SLC1A1: variants seen among roughly 807,000 people sequenced by gnomAD.
SLC1A1 encodes solute carrier family 1 member 1, also known as excitatory amino acid transporter 3.
Under a neutral mutation model 53.3 loss-of-function variants are expected in SLC1A1, and 43 were observed. That is an observed-to-expected ratio of 0.81 (90% confidence interval 0.63 to 1.04). The LOEUF is 1.04. Among genes scored for constraint, SLC1A1 ranks in the 50% least tolerant of loss-of-function variants. SLC1A1 has a pLI of 0.00. For missense variants in SLC1A1, 748 were observed against 664.9 expected (o/e 1.12, Z -1.37); for synonymous variants, 307 against 243.2 (o/e 1.26, Z -2.44).
chr9:4,566,107 T>C lies in SLC1A1; in HGVS notation c.483+18T>C. 6.2e-7 allele frequency: 1 copy of C among 1,600,846 alleles called. No homozygotes were observed. Among genetic ancestry groups the C allele is most frequent in the Non-Finnish European group, 8.6e-7 (1 of 1,168,118 alleles). On this transcript the variant is annotated intron_variant, in intron 5 of 11. Transcript: ENST00000262352. The stretch of plus-strand genomic sequence containing the variant: ...TTCAGCAGGTAATATTAATTACTTG[T>C]GCCCTTAACTTGCTACCCTCTTCCC...
rs187490304 is a variant in SLC1A1, at chr9:4,556,316, C to T, written c.233-5133C>T. Among the ~76,000 whole-genome samples the T allele has an allele frequency of 5.7e-4, 87 of 152,216 alleles. No individual in the cohort carries two copies. The highest frequency in any genetic ancestry group is 2.0e-3 in the African/African-American group (82 of 41,546). ...ATTACCGGCGTGAGCCACTACGCCC[C>T]GCCCCTATCTTTTATTATTACATTC... On this transcript the variant is annotated intron_variant, in intron 2 of 11. Coordinates refer to ENST00000262352, the MANE Select transcript of SLC1A1 (RefSeq NM_004170.6). This position sits in a 1 kb window ranked among gnomAD's most constrained non-coding sequence, Gnocchi z 4.1.
At chr9:4,515,584 G>A (rs1295862879) in intron 1 of SLC1A1, among the ~76,000 whole-genome samples, 1 of 143,554 alleles carries the variant, frequency 7.0e-6, no homozygotes, top group Non-Finnish European at 1.5e-5. Context: ...CAAGAAGAGG[G>A]TGGAAGACAA....
chr9:4,576,617 G>A lies in SLC1A1; in HGVS notation c.1047G>A (p.Gln349=), dbSNP rs920366823. ...VTFRCAEENN[Q]VDKRITRFVL... is the part of the protein sequence containing the mutation. ...TCCGCTGTGCTGAAGAAAATAACCA[G>A]GTGGACAAGAGGATCACTCGATTCG... Residue 349 remains glutamine (Q), a synonymous_variant, in exon 10 of 12, where the codon CAG becomes CAA. Coordinates refer to ENST00000262352, the MANE Select transcript of SLC1A1 (RefSeq NM_004170.6). The A allele has an allele frequency of 2.3e-5, 37 of 1,614,054 alleles. No individual in the cohort carries two copies. The highest frequency in any genetic ancestry group is 3.0e-5 in the Non-Finnish European group (35 of 1,180,036).
chr9:4,522,048 TTTTTTC>T (rs1259588120), intron 1 of SLC1A1, among the ~76,000 whole-genome samples: 18,669 of 72,516 alleles, frequency 0.26, 1,810 homozygotes, highest in Admixed American at 0.32. Flanking sequence ...GCCTCTTTTT[TTTTTTC>T]TTTTTTTTTT....
intron 1 of SLC1A1, among the ~76,000 whole-genome samples, chr9:4,499,030 T>TTATATATG (rs892990173): frequency 8.2e-5 from 11 of 134,210 alleles, no homozygotes; most frequent in Non-Finnish European, 1.2e-4. Flanking sequence ...AGATTACATA[T>TTATATATG]TATATATGTA....
intron 1 of SLC1A1, among the ~76,000 whole-genome samples, chr9:4,504,897 T>C (rs1001721449): frequency 1.3e-5 from 2 of 152,206 alleles, no homozygotes; most frequent in African/African-American, 4.8e-5. Flanking sequence ...TCAGTGTCTT[T>C]TTGTAGCAAG....
Position 4,564,990 on chromosome 9 carries a change from C to T in SLC1A1, c.440+532C>T, listed in dbSNP as rs149802850. 2.4e-3 allele frequency among the ~76,000 whole-genome samples: 370 copies of T among 152,304 alleles called. 1 individual carries two copies. Among genetic ancestry groups the T allele is most frequent in the Non-Finnish European group, 3.4e-3 (232 of 68,034 alleles). ...TTTGTTAGCTCATGGTAATTTCTTA[C>T]GGGTTCTGTTGCATATACAGCCCTT... On this transcript the variant is annotated intron_variant, in intron 4 of 11. Coordinates refer to ENST00000262352, the MANE Select transcript of SLC1A1 (RefSeq NM_004170.6).
chr9:4,584,206 C>A (rs1363772592), intron 11 of SLC1A1, among the ~76,000 whole-genome samples: 1 of 152,230 alleles, frequency 6.6e-6, no homozygotes, highest in Non-Finnish European at 1.5e-5. Context: ...CTTGAAAACA[C>A]AGATTCACAT....
intron 1 of SLC1A1, among the ~76,000 whole-genome samples, chr9:4,499,986 G>C (rs1443754490): frequency 6.6e-6 from 1 of 152,210 alleles, no homozygotes; most frequent in Non-Finnish European, 1.5e-5. Flanking sequence ...GAGCATGTAT[G>C]CATGTGAGAG....
Position 4,505,640 on chromosome 9 carries a change from TTTG to T in SLC1A1, c.91+14888_91+14890del, listed in dbSNP as rs372342003. 1.6e-4 allele frequency among the ~76,000 whole-genome samples: 24 copies of T among 152,170 alleles called. No homozygotes were observed. In the East Asian group the frequency reaches 1.9e-3, roughly 12 times the overall value. ...GACATTTTTAATTACTGTGAAATTC[TTTG>T]TTGTTGTTGTTGTTGTTTTTCTTTT... On this transcript the variant is annotated intron_variant, in intron 1 of 11. Coordinates refer to ENST00000262352, the MANE Select transcript of SLC1A1 (RefSeq NM_004170.6).
chr9:4,571,094 A>C (rs1270183919), intron 6 of SLC1A1, among the ~76,000 whole-genome samples: 1 of 152,144 alleles, frequency 6.6e-6, no homozygotes, highest in Non-Finnish European at 1.5e-5. Context: ...ACACGGATGG[A>C]GCTAGAGGCC....
chr9:4,553,707 G>A (rs147969080), intron 2 of SLC1A1: 2 of 152,290 alleles, frequency 1.3e-5, no homozygotes, highest in East Asian at 3.9e-4. Context: ...CTTCAAATGT[G>A]GACCAGCTGA....
chr9:4,573,816 G>T (rs1477009967), intron 7 of SLC1A1, 91 bp from the exon 8 acceptor site: 7 of 856,594 alleles, frequency 8.2e-6, no homozygotes, highest in Non-Finnish European at 1.0e-5. Context: ...CCAAGCTGAG[G>T]GTGCCCACAC....
In SLC1A1 at chr9:4,585,477, C is replaced by T. The variant is rs1821508177; in HGVS notation, c.1494C>T (p.Asp498=). Reference sequence around the variant, plus strand: ...CAATCCTTGACAACGAAGACTCAGACACCAAGAAGTCTTATGTCAATGGAG... The same window carrying T: ...CAATCCTTGACAACGAAGACTCAGATACCAAGAAGTCTTATGTCAATGGAG... The part of the protein sequence containing the change: ...ESTILDNEDS[D]TKKSYVNGGF... Residue 498 remains aspartate (D), a synonymous_variant, in exon 12 of 12, where the codon GAC becomes GAT. Transcript: ENST00000262352. 1 of 1,614,092 alleles carries T rather than the reference C, an allele frequency of 6.2e-7. No individual in the cohort carries two copies. Among genetic ancestry groups the T allele is most frequent in the South Asian group, 1.1e-5 (1 of 91,086 alleles).
intron 3 of SLC1A1, among the ~76,000 whole-genome samples, chr9:4,563,728 A>G (rs564754805): frequency 1.3e-5 from 2 of 152,336 alleles, no homozygotes; most frequent in East Asian, 1.9e-4. Flanking sequence ...ATGCTGTCAG[A>G]TGCTCTGCCA....
At chr9:4,560,338 T>G (rs923257212) in intron 2 of SLC1A1, among the ~76,000 whole-genome samples, 1 of 152,182 alleles carries the variant, frequency 6.6e-6, no homozygotes, top group Non-Finnish European at 1.5e-5. Flanking sequence ...TACAGCCACA[T>G]GACAGATTAC....
rs755364216 is a variant in SLC1A1, at chr9:4,490,726, A to G, written c.47A>G (p.Lys16Arg). 6.2e-7 allele frequency: 1 copy of G among 1,612,894 alleles called. No individual in the cohort carries two copies. The highest frequency in any genetic ancestry group is 1.7e-5 in the Admixed American group (1 of 59,974). The change falls in exon 1 of 12, where the codon AAG (lysine) becomes AGG (arginine). Residue 16 changes from lysine (K) to arginine (R), a missense_variant. Physicochemically the swap from Lys to Arg is conservative, Grantham distance 26. Coordinates refer to ENST00000262352, the MANE Select transcript of SLC1A1 (RefSeq NM_004170.6). ...RKGCEWKRFL[K>R]NNWVLLSTVA... ...GGATGCGAGTGGAAGCGCTTCCTGA[A>G]GAATAACTGGGTGTTGCTGTCCACC...
At chr9:4,568,305 C>T (rs1209057437) in intron 6 of SLC1A1, among the ~76,000 whole-genome samples, 1 of 151,812 alleles carries the variant, frequency 6.6e-6, no homozygotes, top group Admixed American at 6.6e-5. Flanking sequence ...ATTGTCCCAG[C>T]TACTCGGGAG....
intron 4 of SLC1A1, among the ~76,000 whole-genome samples, chr9:4,565,839 G>C (rs1281127265): frequency 6.6e-6 from 1 of 152,188 alleles, no homozygotes. Flanking sequence ...AATCAATTAA[G>C]TGATGGTTGA....
Sources: gnomAD v4.1 joint callset for allele counts (sites outside exome capture counted in the v4.1 genomes callset) on GRCh38, gnomAD v4.1.1 for gene constraint, Gnocchi (gnomAD v3.1) non-coding constraint, MANE v1.5 for transcripts, NCBI Gene and HGNC (gene_info 2026-07-23, HGNC 2026-07-21) for gene names.